Variants in ATF7IP observed in about 807,000 individuals in gnomAD.
The protein encoded by ATF7IP is activating transcription factor 7-interacting protein 1.
In ATF7IP, 23 loss-of-function variants were observed where a neutral mutation model predicts 106.4. The observed-to-expected ratio is 0.22, with a 90% CI of 0.16 to 0.31. The LOEUF (loss-of-function observed/expected upper bound fraction) is 0.31, where lower values mean the gene tolerates loss of function less well. Ranked by LOEUF, ATF7IP falls within the 10% of genes least tolerant of loss-of-function variation. The probability of loss-of-function intolerance (pLI) is 1.00; values close to 1 mark genes in which losing one functional copy is unlikely to be tolerated. For synonymous variants in ATF7IP, 542 were observed against 539.0 expected, an observed-to-expected ratio of 1.01 and a Z score of -0.08; for missense variants, 1,334 against 1,524.3, an observed-to-expected ratio of 0.88 and a Z score of 2.08.
At chr12:14,450,730 A>T (rs2136679210) in intron 6 of ATF7IP, among the ~76,000 whole-genome samples, 1 of 152,306 alleles carries the variant, frequency 6.6e-6, no homozygotes, top group Non-Finnish European at 1.5e-5. Flanking sequence ...ATTGTTTGGT[A>T]GTATCCTCCA....
At chr12:14,387,242 G>A (rs1939286735) in intron 1 of ATF7IP, among the ~76,000 whole-genome samples, 1 of 152,094 alleles carries the variant, frequency 6.6e-6, no homozygotes, top group Admixed American at 6.5e-5. Context: ...ATGTGTTTGA[G>A]GGATTCTATT....
At chr12:14,366,579 A>G (rs1195430993) in intron 1 of ATF7IP, among the ~76,000 whole-genome samples, 3 of 152,202 alleles carry the variant, frequency 2.0e-5, no homozygotes, top group African/African-American at 7.2e-5. Context: ...CTAAGTAAAT[A>G]AAGTTTTAAT....
chr12:14,400,754 A>T (rs1033437949), intron 1 of ATF7IP, among the ~76,000 whole-genome samples: 2 of 152,166 alleles, frequency 1.3e-5, no homozygotes, highest in Non-Finnish European at 2.9e-5. Context: ...TTAAAAATGG[A>T]TGTGACAGTT....
intron 1 of ATF7IP, among the ~76,000 whole-genome samples, chr12:14,421,244 G>T (rs1397234339): frequency 6.6e-6 from 1 of 152,088 alleles, no homozygotes; most frequent in Non-Finnish European, 1.5e-5. Context: ...CTTGAATTTT[G>T]TCAAATGAAT....
intron 1 of ATF7IP, among the ~76,000 whole-genome samples, chr12:14,394,534 C>G (rs919158689): frequency 4.6e-5 from 7 of 152,178 alleles, no homozygotes; most frequent in Non-Finnish European, 8.8e-5. Context: ...CAGCAGTACT[C>G]TCCTTTAGTT....
At position 14,460,950 on chromosome 12, in the gene ATF7IP, G is replaced by A. The variant is rs752882558; in HGVS notation, c.2614G>A (p.Val872Met). 5 of 1,614,138 alleles carry A rather than the reference G, an allele frequency of 3.1e-6. No individual in the cohort carries two copies. The South Asian group carries it at 4.4e-5, about 14-fold the overall frequency. The change falls in exon 9 of 15, where the codon GTG (valine) becomes ATG (methionine). Residue 872 changes from valine (V) to methionine (M), a missense_variant. Coordinates refer to ENST00000261168, the MANE Select transcript of ATF7IP (RefSeq NM_018179.5). ...SAAPLGTTLA[V>M]QAVPTAHSIV... ...TGCACCATTGGGAACAACACTTGCT[G>A]TGCAGGCTGTTCCAACAGCACACTC... is the stretch of plus-strand genomic sequence containing the variant.
rs766583343 is a variant in ATF7IP at position 14,447,070 on chromosome 12, C to A, written c.1995+17C>A. On this transcript the variant is annotated intron_variant, in intron 6 of 14. Transcript: ENST00000261168. ...AGACATGAAGTAAAATTTTTCTATT[C>A]TTGCATAATTAATATTTAGCACTAA... 2.6e-6 allele frequency: 4 copies of A among 1,539,290 alleles called. 1 individual carries two copies. The South Asian group carries it at 3.7e-5, about 14-fold the overall frequency.
At chr12:14,394,907 A>T (rs1565478863) in intron 1 of ATF7IP, 1 of 152,178 alleles carries the variant, frequency 6.6e-6, no homozygotes, top group Non-Finnish European at 1.5e-5. Context: ...AAGAATTCTG[A>T]TTCTAGGCAT....
At chr12:14,368,198 T>C (rs1445289952) in intron 1 of ATF7IP, among the ~76,000 whole-genome samples, 3 of 152,208 alleles carry the variant, frequency 2.0e-5, no homozygotes, top group Middle Eastern at 7.0e-3. Context: ...TCTAAAGGTA[T>C]TGGTGATTTG....
At chr12:14,478,137 C>CT (rs1252818514) in intron 11 of ATF7IP, among the ~76,000 whole-genome samples, 180 bp from the exon 12 acceptor site, 7 of 152,158 alleles carry the variant, frequency 4.6e-5, no homozygotes, top group African/African-American at 1.7e-4. Context: ...ATTACATATG[C>CT]TCTTAACTCA....
intron 1 of ATF7IP, among the ~76,000 whole-genome samples, chr12:14,409,777 G>A (rs538742657): frequency 2.8e-4 from 42 of 152,072 alleles, no homozygotes; most frequent in Non-Finnish European, 3.8e-4. Flanking sequence ...AAATGTGAAC[G>A]CTCTAAAGTA....
chr12:14,414,551 A>G (rs955091692), intron 1 of ATF7IP, among the ~76,000 whole-genome samples: 1 of 152,210 alleles, frequency 6.6e-6, no homozygotes, highest in African/African-American at 2.4e-5. Flanking sequence ...AGAGAAGCCA[A>G]AAGTTTGGAC....
intron 5 of ATF7IP, among the ~76,000 whole-genome samples, chr12:14,440,251 T>C (rs1050125039): frequency 5.9e-5 from 9 of 152,216 alleles, no homozygotes; most frequent in Non-Finnish European, 1.2e-4. Flanking sequence ...TCCTTGATTA[T>C]AGTAACACCT....
intron 1 of ATF7IP, among the ~76,000 whole-genome samples, chr12:14,400,875 T>G (rs567525009): frequency 7.2e-5 from 11 of 152,320 alleles, no homozygotes; most frequent in East Asian, 1.9e-4. Context: ...TGTTTTGTCT[T>G]TTTTTGATGA....
intron 2 of ATF7IP, among the ~76,000 whole-genome samples, chr12:14,430,366 ATT>A (rs1349507172): frequency 6.6e-6 from 1 of 152,170 alleles, no homozygotes; most frequent in African/African-American, 2.4e-5. Context: ...GGAAAACCTG[ATT>A]TGGGTTTCAG....
chr12:14,371,787 G>A (rs1028229215), intron 1 of ATF7IP, among the ~76,000 whole-genome samples: 7 of 152,152 alleles, frequency 4.6e-5, no homozygotes, highest in African/African-American at 1.2e-4. Context: ...GGAAATGAGC[G>A]TGTGATTTAG....
chr12:14,444,030 G>A (rs993471574), intron 5 of ATF7IP, among the ~76,000 whole-genome samples: 1 of 152,122 alleles, frequency 6.6e-6, no homozygotes, highest in African/African-American at 2.4e-5. Flanking sequence ...TTAGTACTAT[G>A]CTCTTAAATA....
chr12:14,445,309 A>G (rs1468783316), intron 5 of ATF7IP, among the ~76,000 whole-genome samples: 1 of 152,024 alleles, frequency 6.6e-6, no homozygotes, highest in East Asian at 1.9e-4. Flanking sequence ...ATTTGACTAA[A>G]GAAAAAATGA....
chr12:14,423,878 T>TATTAAAC, intron 1 of ATF7IP, 31 bp from the exon 2 acceptor site: 1 of 1,538,352 alleles, frequency 6.5e-7, no homozygotes, highest in Non-Finnish European at 8.7e-7. Flanking sequence ...CTGTTTCAGT[T>TATTAAAC]ATTAAACTCT....
Sources: allele counts gnomAD v4.1 joint callset (sites outside exome capture counted in the v4.1 genomes callset), GRCh38; gene constraint gnomAD v4.1.1; transcripts MANE v1.5; gene names NCBI Gene and HGNC (gene_info 2026-07-23, HGNC 2026-07-21).